Variants in EIF4E2 observed in about 807,000 individuals in gnomAD.
The protein encoded by EIF4E2 is eukaryotic translation initiation factor 4E family member 2.
Under a neutral mutation model 34.2 loss-of-function variants are expected in EIF4E2, and 13 were observed. That is an observed-to-expected ratio of 0.38 (90% confidence interval 0.25 to 0.60). EIF4E2 has a LOEUF of 0.60. Ranked by LOEUF, EIF4E2 falls within the 20% of genes least tolerant of loss-of-function variation. The pLI is 0.62. For synonymous variants in EIF4E2, 100 were observed against 106.6 expected (o/e 0.94, Z 0.38); for missense variants, 222 against 315.1 (o/e 0.70, Z 2.24).
downstream of EIF4E2, among the ~76,000 whole-genome samples, chr2:232,570,678 C>T (rs1183380664): frequency 6.6e-6 from 1 of 152,224 alleles, no homozygotes; most frequent in Non-Finnish European, 1.5e-5. Flanking sequence ...GGCGAGGTGG[C>T]TCACGCCTGT....
At chr2:232,565,908 A>G (rs1334854170) in intron 4 of EIF4E2, among the ~76,000 whole-genome samples, 1 of 151,444 alleles carries the variant, frequency 6.6e-6, no homozygotes, top group East Asian at 2.0e-4. Context: ...CCTGGCCAAT[A>G]TGGTGAAACC....
At chr2:232,573,948 T>A, downstream of EIF4E2, 1 of 523,372 alleles carries the variant, frequency 1.9e-6, no homozygotes, top group African/African-American at 1.9e-5. Flanking sequence ...TGGTGACAGT[T>A]GAGCATCAGC....
chr2:232,560,775 T>A (rs3108614), intron 3 of EIF4E2, among the ~76,000 whole-genome samples: 1 of 152,074 alleles, frequency 6.6e-6, no homozygotes, highest in Non-Finnish European at 1.5e-5. Flanking sequence ...GAAATCAACA[T>A]CATTACTATG....
At chr2:232,572,967 C>T (rs890972790), downstream of EIF4E2, among the ~76,000 whole-genome samples, 10 of 152,196 alleles carry the variant, frequency 6.6e-5, no homozygotes, top group African/African-American at 1.7e-4. Context: ...TTCCCTGGGT[C>T]ATTGCCAAAG....
Position 232,557,928 on chromosome 2 carries a change from C to T in EIF4E2, c.180C>T (p.Tyr60=). Residue 60 remains tyrosine, a synonymous_variant, in exon 3 of 7, where the codon TAC becomes TAT. Coordinates refer to ENST00000258416, the MANE Select transcript of EIF4E2 (RefSeq NM_004846.4). ...CAGAGCATCCCCTGCAGTACAACTA[C>T]ACTTTTTGGTACTCCAGGAGAACCC... The part of the protein sequence containing the change: ...GPAEHPLQYN[Y]TFWYSRRTPG... 2.5e-6 allele frequency: 4 copies of T among 1,614,104 alleles called. No individual in the cohort carries two copies. The highest frequency in any genetic ancestry group is 3.4e-6 in the Non-Finnish European group (4 of 1,180,008).
At chr2:232,557,465 C>T (rs1364252698) in intron 2 of EIF4E2, 2 of 179,900 alleles carry the variant, frequency 1.1e-5, no homozygotes, top group Non-Finnish European at 2.4e-5. Context: ...TGTATATCCA[C>T]TGATTCATTT....
exon 7 of EIF4E2, chr2:232,583,430 C>CAT (rs1553588680): frequency 1.8e-5 from 2 of 110,014 alleles, no homozygotes; most frequent in Admixed American, 9.7e-5. Flanking sequence ...TCCTTCTGTT[C>CAT]GTGTGTGTGT....
rs1429102573 is a variant in EIF4E2, at chr2:232,567,044, T to G, written c.529-34T>G. 5 of 1,605,724 alleles carry G rather than the reference T, an allele frequency of 3.1e-6. No homozygotes were observed. In the Admixed American group the frequency reaches 6.7e-5, roughly 22 times the overall value. On this transcript the variant is annotated intron_variant, in intron 5 of 6. Transcript: ENST00000258416. ...CCTTTGCTCTCCTCGCTGCCCCTGA[T>G]TTGCTTTGATGATTCCTTCTGTTCC...
At chr2:232,556,311 T>A (rs915480897) in intron 1 of EIF4E2, 105 bp from the exon 2 acceptor site, 1 of 827,996 alleles carries the variant, frequency 1.2e-6, no homozygotes, top group African/African-American at 1.7e-5. Flanking sequence ...TGAATTTGAG[T>A]GACTTTGGGT....
chr2:232,575,448 A>G (rs1234382855), intron 6 of EIF4E2, among the ~76,000 whole-genome samples: 2 of 152,184 alleles, frequency 1.3e-5, no homozygotes, highest in Non-Finnish European at 2.9e-5. Context: ...TAAAATTTAA[A>G]ATGATTCTCT....
intron 3 of EIF4E2, among the ~76,000 whole-genome samples, chr2:232,562,563 C>G (rs1692760302): frequency 6.6e-6 from 1 of 152,150 alleles, no homozygotes; most frequent in Admixed American, 6.5e-5. Context: ...GCACTCCAGC[C>G]TGGACAAAAA....
In EIF4E2 at chr2:232,569,034, A is replaced by T. The variant is rs763059488; in HGVS notation, c.*17A>T. The T allele has an allele frequency of 1.2e-6, 2 of 1,613,594 alleles. No homozygotes were observed. The highest frequency in any genetic ancestry group is 1.1e-5 in the South Asian group (1 of 90,882). On this transcript the variant is annotated 3_prime_UTR_variant, in exon 7 of 7. Coordinates refer to ENST00000258416, the MANE Select transcript of EIF4E2 (RefSeq NM_004846.4). ...GTGCCATGACCCTCTCCCTCTCTGGATGGCACCATCATTGAAGCTGGCGTC... is the reference window on the plus strand; with the variant it reads ...GTGCCATGACCCTCTCCCTCTCTGGTTGGCACCATCATTGAAGCTGGCGTC...
chr2:232,564,998 TA>T, intron 4 of EIF4E2, among the ~76,000 whole-genome samples: 1 of 152,320 alleles, frequency 6.6e-6, no homozygotes, highest in South Asian at 2.1e-4. Context: ...CACATATGAT[TA>T]AAGTGGGTAA....
rs1210854368 is a variant in EIF4E2, at chr2:232,568,269, G to T, written c.666-676G>T. On this transcript the variant is annotated intron_variant, in intron 6 of 6. Coordinates refer to ENST00000258416, the MANE Select transcript of EIF4E2 (RefSeq NM_004846.4). The stretch of plus-strand genomic sequence containing the variant: ...GGAATCTCTTTCCCATGCATTCATA[G>T]ATAATGTGGAGTGGAGTTGGCTTAA... 3 of 985,274 alleles carry T rather than the reference G, an allele frequency of 3.0e-6. No individual in the cohort carries two copies. The East Asian group carries it at 3.4e-4, about 112-fold the overall frequency. 61.0% of individuals were successfully genotyped at this position (985,274 alleles called of 1,614,324 possible).
In EIF4E2 at chr2:232,567,228, G is replaced by T; in HGVS notation, c.665+14G>T. On this transcript the variant is annotated intron_variant, in intron 6 of 6. Coordinates refer to ENST00000258416, the MANE Select transcript of EIF4E2 (RefSeq NM_004846.4). ...CGACAGCATCAAGTACGTGTTGGGG[G>T]GTTATGGGAGGACGTGTCCCTAAGC... 1 of 1,614,032 alleles carries T rather than the reference G, an allele frequency of 6.2e-7. No individual in the cohort carries two copies. The highest frequency in any genetic ancestry group is 8.5e-7 in the Non-Finnish European group (1 of 1,179,952).
chr2:232,556,833 A>T (rs1184418233), intron 2 of EIF4E2, among the ~76,000 whole-genome samples: 1 of 152,216 alleles, frequency 6.6e-6, no homozygotes, highest in Non-Finnish European at 1.5e-5. Flanking sequence ...GAGTGTTTCA[A>T]ATCCTACATA....
At chr2:232,569,266 G>T, downstream of EIF4E2, 1 of 1,334,780 alleles carries the variant, frequency 7.5e-7, no homozygotes, top group Non-Finnish European at 9.6e-7. Context: ...CTTTCGGACT[G>T]ACTGTCACCA....
chr2:232,574,211 A>C (rs770340043), intron 6 of EIF4E2: 64 of 1,531,822 alleles, frequency 4.2e-5, no homozygotes, highest in Non-Finnish European at 5.6e-5. Flanking sequence ...CTCTGTGTTC[A>C]AAAGCTTTTG....
intron 6 of EIF4E2, among the ~76,000 whole-genome samples, chr2:232,576,402 C>G (rs1180528442): frequency 2.6e-5 from 4 of 152,146 alleles, no homozygotes; most frequent in Admixed American, 6.5e-5. Flanking sequence ...TCCCACCCCT[C>G]TTGGCAGATT....
Sources: gnomAD v4.1 joint callset for allele counts (sites outside exome capture counted in the v4.1 genomes callset) on GRCh38, gnomAD v4.1.1 for gene constraint, MANE v1.5 for transcripts, NCBI Gene and HGNC (gene_info 2026-07-23, HGNC 2026-07-21) for gene names.